Variants in AGPAT3 observed in about 807,000 individuals in gnomAD.
AGPAT3 encodes the protein 1-acyl-sn-glycerol-3-phosphate acyltransferase gamma.
A neutral mutation model predicts 47.3 loss-of-function variants in AGPAT3; 5 were observed. That is an observed-to-expected ratio of 0.11 (90% CI 0.06 to 0.22). The LOEUF is 0.22. AGPAT3 is among the 10% of genes least tolerant of loss of function. The pLI, the probability that AGPAT3 is intolerant of heterozygous loss-of-function variation, is 1.00. For synonymous variants in AGPAT3, 212 were observed against 208.3 expected, an observed-to-expected ratio of 1.02 and a Z score of -0.15; for missense variants, 315 against 493.0, an observed-to-expected ratio of 0.64 and a Z score of 3.42.
Position 43,880,798 on chromosome 21 carries a change from C to T in AGPAT3, c.-112+15453C>T, listed in dbSNP as rs201368454. On this transcript the variant is annotated intron_variant, in intron 1 of 9. Transcript: ENST00000291572. The surrounding 1 kb of genome is among the most constrained non-coding windows in gnomAD (Gnocchi z 4.5). Reference sequence around the variant, plus strand: ...TGCTCACTGGCATTAAGTGGGCAGGCGGCTTATTGCTGAGTGATGGTCCCT... The same window carrying T: ...TGCTCACTGGCATTAAGTGGGCAGGTGGCTTATTGCTGAGTGATGGTCCCT... Among the ~76,000 whole-genome samples the T allele has an allele frequency of 2.6e-5, 4 of 152,176 alleles. No individual in the cohort carries two copies. The highest frequency in any genetic ancestry group is 3.8e-4 in the East Asian group (2 of 5,196).
Position 43,987,579 on chromosome 21 carries a change from T to C in AGPAT3, c.*5187T>C, listed in dbSNP as rs918179835. Among the ~76,000 whole-genome samples the C allele has an allele frequency of 6.6e-6, 1 of 152,186 alleles. No homozygotes were observed. Among genetic ancestry groups the C allele is most frequent in the African/African-American group, 2.4e-5 (1 of 41,436 alleles). On this transcript the variant is annotated 3_prime_UTR_variant, in exon 10 of 10. Coordinates refer to ENST00000291572, the MANE Select transcript of AGPAT3 (RefSeq NM_020132.5). ...TATTAAAAAGCAAAACAAAAACTCT[T>C]GTTAGAACCAAAAGATATTCCGAGT...
rs539879119 is a variant in AGPAT3 at position 43,865,635 on chromosome 21, G to T, written c.-112+290G>T. 7.9e-3 allele frequency among the ~76,000 whole-genome samples: 1,200 copies of T among 151,064 alleles called. 12 individuals carry two copies. Among genetic ancestry groups the T allele is most frequent in the African/African-American group, 0.027 (1,130 of 41,400 alleles). The stretch of plus-strand genomic sequence containing the variant: ...GAGGCCCCGGCCGCTTCCCGCAGCA[G>T]CCTCGGTGGCGCTGGGCCCAGCGGG... On this transcript the variant is annotated intron_variant, in intron 1 of 9. Coordinates refer to ENST00000291572, the MANE Select transcript of AGPAT3 (RefSeq NM_020132.5).
At chr21:43,903,059 TG>T (rs2086396042) in intron 1 of AGPAT3, among the ~76,000 whole-genome samples, 1 of 152,150 alleles carries the variant, frequency 6.6e-6, no homozygotes, top group South Asian at 2.1e-4. Context: ...GTGTCTGTAG[TG>T]GAATATTATC....
chr21:43,936,375 C>T (rs984505063), intron 2 of AGPAT3, among the ~76,000 whole-genome samples: 1 of 152,246 alleles, frequency 6.6e-6, no homozygotes, highest in Non-Finnish European at 1.5e-5. Context: ...GCACCTGCAG[C>T]GTTCGTCTGT....
At chr21:43,865,783 C>T (rs2085491307) in intron 1 of AGPAT3, among the ~76,000 whole-genome samples, 1 of 152,002 alleles carries the variant, frequency 6.6e-6, no homozygotes, top group Admixed American at 6.5e-5. Flanking sequence ...GCTCGGCTCC[C>T]CCGTGGACAG....
At chr21:43,977,664 T>G (rs1451104580) in intron 7 of AGPAT3, among the ~76,000 whole-genome samples, 1 of 151,690 alleles carries the variant, frequency 6.6e-6, no homozygotes, top group Non-Finnish European at 1.5e-5. Flanking sequence ...GATCACGAGG[T>G]CAAGAGATCG....
At position 43,930,964 on chromosome 21, in the gene AGPAT3, G is replaced by A. The variant is rs1312971371; in HGVS notation, c.-49+26945G>A. Among the ~76,000 whole-genome samples, 1 of 152,178 alleles carries A rather than the reference G, an allele frequency of 6.6e-6. No individual in the cohort carries two copies. Among genetic ancestry groups the A allele is most frequent in the Non-Finnish European group, 1.5e-5 (1 of 68,018 alleles). ...CACTACGTGAGATCCTGGGGCAGGG[G>A]CTGTGGGGGCTCTAGAGTGGGGGTG... On this transcript the variant is annotated intron_variant, in intron 2 of 9. Coordinates refer to ENST00000291572, the MANE Select transcript of AGPAT3 (RefSeq NM_020132.5). The surrounding 1 kb of genome is among the most constrained non-coding windows in gnomAD (Gnocchi z 5.0).
At chr21:43,917,889 TGTA>T (rs1386215125) in intron 2 of AGPAT3, among the ~76,000 whole-genome samples, 5 of 89,614 alleles carry the variant, frequency 5.6e-5, no homozygotes, top group African/African-American at 1.4e-4. Context: ...TTGTGGGGGT[TGTA>T]GGGGTTGCGG....
chr21:43,874,396 A>T (rs561183298), intron 1 of AGPAT3, among the ~76,000 whole-genome samples: 1 of 152,252 alleles, frequency 6.6e-6, no homozygotes, highest in South Asian at 2.1e-4. Flanking sequence ...GTTTATTTTG[A>T]TATGTAATAT....
chr21:43,883,238 A>G (rs2085893577), intron 1 of AGPAT3, among the ~76,000 whole-genome samples: 1 of 152,032 alleles, frequency 6.6e-6, no homozygotes, highest in Admixed American at 6.5e-5. Flanking sequence ...TTGAGCCTCA[A>G]GGGCCTCATG....
chr21:43,945,694 C>T (rs1425150063), intron 2 of AGPAT3, among the ~76,000 whole-genome samples: 5 of 152,194 alleles, frequency 3.3e-5, no homozygotes, highest in Non-Finnish European at 7.3e-5. Flanking sequence ...TGTTCTGAAA[C>T]CTACTCGGTT....
At chr21:43,895,602 A>AT (rs1337225634) in intron 1 of AGPAT3, among the ~76,000 whole-genome samples, 2 of 143,756 alleles carry the variant, frequency 1.4e-5, no homozygotes, top group Non-Finnish European at 1.5e-5. Context: ...TTAAAAAAAA[A>AT]TTTTTTTTTG....
At chr21:43,901,087 A>G (rs975142974) in intron 1 of AGPAT3, among the ~76,000 whole-genome samples, 1 of 152,186 alleles carries the variant, frequency 6.6e-6, no homozygotes, top group South Asian at 2.1e-4. Context: ...GGATCACTTG[A>G]GCCCAGGAGT....
At chr21:43,871,295 A>G (rs1453822822) in intron 1 of AGPAT3, among the ~76,000 whole-genome samples, 1 of 152,236 alleles carries the variant, frequency 6.6e-6, no homozygotes. Flanking sequence ...TGCTGGAAAC[A>G]GCGTTCTCTG....
At chr21:43,967,169 C>T (rs1361568935) in intron 3 of AGPAT3, 2 of 152,322 alleles carry the variant, frequency 1.3e-5, no homozygotes, top group Non-Finnish European at 2.9e-5. Context: ...GCACGAGCCC[C>T]TCCACACTTC....
chr21:43,916,793 G>T (rs935409795), intron 2 of AGPAT3, among the ~76,000 whole-genome samples: 1 of 152,188 alleles, frequency 6.6e-6, no homozygotes, highest in East Asian at 1.9e-4. Context: ...ATGCACGTTC[G>T]CACACACAGC....
chr21:43,898,967 T>C (rs536791004), intron 1 of AGPAT3, among the ~76,000 whole-genome samples: 1 of 152,364 alleles, frequency 6.6e-6, no homozygotes, highest in African/African-American at 2.4e-5. Flanking sequence ...CCTTGTGCCT[T>C]GGCCTCCCAA....
At chr21:43,936,782 T>G (rs961789990) in intron 2 of AGPAT3, among the ~76,000 whole-genome samples, 5 of 152,204 alleles carry the variant, frequency 3.3e-5, no homozygotes, top group Non-Finnish European at 1.5e-5. Context: ...CCAGCCTGGC[T>G]CTCCCGTGTC....
chr21:43,898,002 G>A (rs1001294579), intron 1 of AGPAT3, among the ~76,000 whole-genome samples: 5 of 152,180 alleles, frequency 3.3e-5, no homozygotes, highest in South Asian at 2.1e-4. Flanking sequence ...ATGGCGGCGC[G>A]CGCCTGCAAT....
Sources: allele counts gnomAD v4.1 joint callset (sites outside exome capture counted in the v4.1 genomes callset), GRCh38; gene constraint gnomAD v4.1.1; non-coding constraint Gnocchi (gnomAD v3.1); transcripts MANE v1.5; gene names NCBI Gene and HGNC (gene_info 2026-07-23, HGNC 2026-07-21).